SMARCA2: variants seen among roughly 807,000 people sequenced by gnomAD.
SMARCA2 encodes the protein SWI/SNF-related matrix-associated actin-dependent regulator of chromatin subfamily A member 2.
In SMARCA2, 61 loss-of-function variants were observed where a neutral mutation model predicts 199.8. That is an observed-to-expected ratio of 0.31 (90% CI 0.25 to 0.38). SMARCA2 has a LOEUF of 0.38. SMARCA2 is among the 10% of genes least tolerant of loss of function. SMARCA2 has a pLI of 1.00. For missense variants in SMARCA2, 1,344 were observed against 2,012.2 expected (o/e 0.67, Z 6.35); for synonymous variants, 935 against 732.0 (o/e 1.28, Z -4.48).
chr9:2,039,978 T>C lies in SMARCA2; in HGVS notation c.790+78T>C. ...AAGACTGCTCACCAAAACACCGGGT[T>C]GTTAAAAGCCCGGGGCTGACGTAGC... On this transcript the variant is annotated intron_variant, in intron 4 of 33. Transcript: ENST00000349721. This position sits in a 1 kb window ranked among gnomAD's most constrained non-coding sequence, Gnocchi z 4.8. The C allele has an allele frequency of 1.3e-6, 2 of 1,575,144 alleles. No homozygotes were observed. The highest frequency in any genetic ancestry group is 8.6e-7 in the Non-Finnish European group (1 of 1,162,526).
Position 2,183,033 on chromosome 9 carries a change from T to C in SMARCA2, c.4461+791T>C, listed in dbSNP as rs186098947. 9.9e-3 allele frequency among the ~76,000 whole-genome samples: 1,501 copies of C among 152,070 alleles called. 22 individuals are homozygous for C. The highest frequency in any genetic ancestry group is 0.035 in the African/African-American group (1,438 of 41,498). ...CTTGAACTCCTGACCTCAGGTGATCTGCCCACCTCAGCCTCCCAAAGTGCT... is the reference window on the plus strand; with the variant it reads ...CTTGAACTCCTGACCTCAGGTGATCCGCCCACCTCAGCCTCCCAAAGTGCT... On this transcript the variant is annotated intron_variant, in intron 31 of 33. Coordinates refer to ENST00000349721, the MANE Select transcript of SMARCA2 (RefSeq NM_003070.5).
chr9:2,045,584 A>G (rs1475570316), intron 4 of SMARCA2: 1 of 152,222 alleles, frequency 6.6e-6, no homozygotes, highest in African/African-American at 2.4e-5. Flanking sequence ...TATGCATTAC[A>G]TAAAGGACCT....
At chr9:2,141,331 A>T (rs1406579722) in intron 27 of SMARCA2, among the ~76,000 whole-genome samples, 1 of 152,238 alleles carries the variant, frequency 6.6e-6, no homozygotes, top group Non-Finnish European at 1.5e-5. Flanking sequence ...TAAGCCTCAC[A>T]GGTAGGGAGT....
At chr9:2,062,152 C>T (rs1820622210) in intron 9 of SMARCA2, among the ~76,000 whole-genome samples, 1 of 152,072 alleles carries the variant, frequency 6.6e-6, no homozygotes, top group Admixed American at 6.6e-5. Context: ...TAGTTATTAC[C>T]ACTGAACTGT....
intron 27 of SMARCA2, chr9:2,158,913 G>C: frequency 6.2e-7 from 1 of 1,609,192 alleles, no homozygotes; most frequent in Non-Finnish European, 8.5e-7. Flanking sequence ...GGTCTTTGGG[G>C]AGGAGGGAAG....
intron 3 of SMARCA2, among the ~76,000 whole-genome samples, chr9:2,033,502 A>G (rs1819165383): frequency 6.6e-6 from 1 of 152,246 alleles, no homozygotes; most frequent in Non-Finnish European, 1.5e-5. Context: ...GCAACAGTGT[A>G]GATGTGAAGG....
intron 27 of SMARCA2, among the ~76,000 whole-genome samples, chr9:2,147,941 C>T (rs12346120): frequency 6.6e-6 from 1 of 151,394 alleles, no homozygotes; most frequent in Non-Finnish European, 1.5e-5. Context: ...TTGAGTGATT[C>T]TTGCACCTCA....
chr9:2,167,863 T>G (rs1826012232), intron 28 of SMARCA2, among the ~76,000 whole-genome samples: 1 of 152,056 alleles, frequency 6.6e-6, no homozygotes, highest in Non-Finnish European at 1.5e-5. Context: ...GTGGAAGAGA[T>G]AGCTTTCCTA....
chr9:2,155,533 G>A lies in SMARCA2; in HGVS notation c.3982-6153G>A, dbSNP rs375125254. Among the ~76,000 whole-genome samples, 190 of 152,112 alleles carry A rather than the reference G, an allele frequency of 1.2e-3. 3 individuals are homozygous for A. In the South Asian group the frequency reaches 0.019, roughly 15 times the overall value. ...CCTGACCTTGTGATCCACCCGCCTT[G>A]GCCTCCCAAAGTGCTGGGATTACAG... On this transcript the variant is annotated intron_variant, in intron 27 of 33. Coordinates refer to ENST00000349721, the MANE Select transcript of SMARCA2 (RefSeq NM_003070.5).
chr9:2,142,163 G>C (rs766066897), intron 27 of SMARCA2, among the ~76,000 whole-genome samples: 1 of 152,160 alleles, frequency 6.6e-6, no homozygotes, highest in Non-Finnish European at 1.5e-5. Context: ...TTGGGCTAGT[G>C]GGTGTTGGTC....
At chr9:2,184,651 C>A (rs948510636) in intron 31 of SMARCA2, among the ~76,000 whole-genome samples, 2 of 152,064 alleles carry the variant, frequency 1.3e-5, no homozygotes, top group Non-Finnish European at 2.9e-5. Flanking sequence ...CACACCTGGC[C>A]CAAGACAATA....
At chr9:2,101,938 TG>T (rs1822535859) in intron 22 of SMARCA2, among the ~76,000 whole-genome samples, 1 of 152,190 alleles carries the variant, frequency 6.6e-6, no homozygotes, top group Non-Finnish European at 1.5e-5. Flanking sequence ...TTGAAGAGAA[TG>T]TATCTTATTA....
intron 27 of SMARCA2, chr9:2,160,575 A>G: frequency 1.4e-6 from 1 of 702,236 alleles, no homozygotes; most frequent in Non-Finnish European, 2.6e-6. Flanking sequence ...TTATACTCAC[A>G]TGATCATAAA....
intron 14 of SMARCA2, 72 bp downstream of exon 14, chr9:2,077,848 C>T: frequency 7.3e-7 from 1 of 1,369,994 alleles, no homozygotes; most frequent in Non-Finnish European, 1.0e-6. Context: ...GTATGTCGTG[C>T]ACATGTTGAC....
At chr9:2,133,952 G>A (rs1414915405) in intron 27 of SMARCA2, among the ~76,000 whole-genome samples, 1 of 152,144 alleles carries the variant, frequency 6.6e-6, no homozygotes, top group African/African-American at 2.4e-5. Flanking sequence ...TGGGGACCTT[G>A]TGTCACCTCT....
At chr9:2,100,988 C>T (rs182161218) in intron 21 of SMARCA2, among the ~76,000 whole-genome samples, 1 of 152,088 alleles carries the variant, frequency 6.6e-6, no homozygotes, top group East Asian at 1.9e-4. Context: ...AAGGGAAACC[C>T]CTTACAAAGC....
At chr9:2,174,221 G>A (rs948318438) in intron 29 of SMARCA2, among the ~76,000 whole-genome samples, 1 of 152,126 alleles carries the variant, frequency 6.6e-6, no homozygotes, top group African/African-American at 2.4e-5. Context: ...ACCCCTCTCT[G>A]AAGGAAGGGA....
chr9:2,144,386 G>A (rs759145238), intron 27 of SMARCA2, among the ~76,000 whole-genome samples: 2 of 152,152 alleles, frequency 1.3e-5, no homozygotes, highest in Non-Finnish European at 2.9e-5. Flanking sequence ...CTGGATGGGG[G>A]TGGGACAAGA....
intron 31 of SMARCA2, among the ~76,000 whole-genome samples, chr9:2,185,289 T>C (rs1827358488): frequency 6.6e-6 from 1 of 152,256 alleles, no homozygotes; most frequent in Non-Finnish European, 1.5e-5. Flanking sequence ...CTTGTCTTTT[T>C]GTGACTGGCT....
Sources: allele counts gnomAD v4.1 joint callset (sites outside exome capture counted in the v4.1 genomes callset), GRCh38; gene constraint gnomAD v4.1.1; non-coding constraint Gnocchi (gnomAD v3.1); transcripts MANE v1.5; gene names NCBI Gene and HGNC (gene_info 2026-07-23, HGNC 2026-07-21).